Variants in ADGB observed in about 807,000 individuals in gnomAD.
The protein encoded by ADGB is androglobin, also known as calpain-7-like protein.
Under a neutral mutation model 210.5 loss-of-function variants are expected in ADGB, and 172 were observed. The ratio of observed to expected loss-of-function variants is 0.82; its 90% CI spans 0.72 to 0.93. ADGB has a LOEUF of 0.93. Among genes scored for constraint, ADGB ranks in the 40% least tolerant of loss-of-function variants. The probability of loss-of-function intolerance (pLI) is 0.00; values close to 1 mark genes in which losing one functional copy is unlikely to be tolerated. For missense variants in ADGB, 2,025 were observed against 1,964.8 expected, an observed-to-expected ratio of 1.03 and a Z score of -0.58; for synonymous variants, 658 against 662.7, an observed-to-expected ratio of 0.99 and a Z score of 0.11.
At chr6:146,684,014 C>T (rs919762200) in intron 9 of ADGB, among the ~76,000 whole-genome samples, 7 of 152,014 alleles carry the variant, frequency 4.6e-5, no homozygotes, top group African/African-American at 1.2e-4. Context: ...TCAACCTGAA[C>T]GAGCCATGGG....
chr6:146,643,700 G>A (rs1373547804), intron 2 of ADGB, among the ~76,000 whole-genome samples: 1 of 151,844 alleles, frequency 6.6e-6, no homozygotes, highest in African/African-American at 2.4e-5. Flanking sequence ...GGAAACTTAT[G>A]TTATGCAGAT....
Position 146,705,150 on chromosome 6 carries a change from C to A in ADGB, c.1707+4080C>A, listed in dbSNP as rs367723632. Among the ~76,000 whole-genome samples the A allele has an allele frequency of 9.4e-4, 143 of 151,972 alleles. 1 individual carries two copies. The highest frequency in any genetic ancestry group is 3.3e-3 in the African/African-American group (135 of 41,496). ...TGTATGTTGATTTTGTATCCTGAAACTTTATTGAGTTTATATATTAGATCT... is the reference window on the plus strand; with the variant it reads ...TGTATGTTGATTTTGTATCCTGAAAATTTATTGAGTTTATATATTAGATCT... On this transcript the variant is annotated intron_variant, in intron 13 of 35. Coordinates refer to ENST00000397944, the MANE Select transcript of ADGB (RefSeq NM_024694.4).
intron 23 of ADGB, among the ~76,000 whole-genome samples, chr6:146,737,183 G>A (rs1777091576): frequency 6.6e-6 from 1 of 151,626 alleles, no homozygotes; most frequent in African/African-American, 2.4e-5. Flanking sequence ...TTATGAAAAT[G>A]AGCAAGAAAA....
At chr6:146,708,120 T>C (rs949320306) in intron 13 of ADGB, among the ~76,000 whole-genome samples, 2 of 152,128 alleles carry the variant, frequency 1.3e-5, no homozygotes, top group African/African-American at 2.4e-5. Context: ...TTATGGTTTA[T>C]GTTTTTGATG....
At chr6:146,712,377 G>C (rs915471709) in intron 13 of ADGB, among the ~76,000 whole-genome samples, 1 of 151,968 alleles carries the variant, frequency 6.6e-6, no homozygotes, top group Non-Finnish European at 1.5e-5. Context: ...AGTAGAGATG[G>C]GGTTTTGCCA....
chr6:146,684,314 G>A (rs1039627464), intron 9 of ADGB, among the ~76,000 whole-genome samples: 3 of 152,016 alleles, frequency 2.0e-5, no homozygotes, highest in East Asian at 3.9e-4. Flanking sequence ...TTAATATTTA[G>A]CAGTCATCAC....
Position 146,747,766 on chromosome 6 carries a change from C to CATAT in ADGB, c.3365+1668_3365+1671dup, listed in dbSNP as rs151335769. Among the ~76,000 whole-genome samples the CATAT allele has an allele frequency of 7.5e-4, 107 of 143,324 alleles. 1 individual carries two copies. Among genetic ancestry groups the CATAT allele is most frequent in the Non-Finnish European group, 1.1e-3 (76 of 66,664 alleles). 94.0% of individuals were successfully genotyped at this position (143,324 alleles called of 152,430 possible). ...AAATATATATATGCATGTGTATATA[C>CATAT]ATATATATATATATGTATTTTTTTT... is the stretch of plus-strand genomic sequence containing the variant. On this transcript the variant is annotated intron_variant, in intron 26 of 35. Coordinates refer to ENST00000397944, the MANE Select transcript of ADGB (RefSeq NM_024694.4).
intron 23 of ADGB, among the ~76,000 whole-genome samples, chr6:146,737,968 C>G (rs1777104668): frequency 6.6e-6 from 1 of 152,180 alleles, no homozygotes; most frequent in Non-Finnish European, 1.5e-5. Context: ...ACCAAAAAGT[C>G]TGTTATTTAA....
At chr6:146,767,919 A>C (rs1190489380) in intron 28 of ADGB, among the ~76,000 whole-genome samples, 2 of 147,324 alleles carry the variant, frequency 1.4e-5, no homozygotes, top group African/African-American at 4.9e-5. Flanking sequence ...TTAAACAAAA[A>C]TCAGTAGTGT....
intron 1 of ADGB, among the ~76,000 whole-genome samples, chr6:146,606,512 G>A (rs1008992692): frequency 1.3e-5 from 2 of 151,996 alleles, no homozygotes; most frequent in African/African-American, 4.8e-5. Context: ...TTTCTTCTAG[G>A]GTGTTTTTTC....
At chr6:146,758,971 A>G (rs1206545162) in intron 27 of ADGB, among the ~76,000 whole-genome samples, 2 of 151,974 alleles carry the variant, frequency 1.3e-5, no homozygotes, top group East Asian at 3.8e-4. Flanking sequence ...AATTGATGCT[A>G]TTAATTTGTG....
Position 146,733,844 on chromosome 6 carries a change from A to C in ADGB, c.2657-49A>C, listed in dbSNP as rs747232396. The C allele has an allele frequency of 7.8e-6, 12 of 1,547,830 alleles. No individual in the cohort carries two copies. In the South Asian group the frequency reaches 1.4e-4, roughly 19 times the overall value. On this transcript the variant is annotated intron_variant, in intron 21 of 35. Coordinates refer to ENST00000397944, the MANE Select transcript of ADGB (RefSeq NM_024694.4). ...CAGCTGAAGGCGTTGAAACTTAGGG[A>C]AGGGATTAAATATAACTTTCAGTCC...
At position 146,797,358 on chromosome 6, in the gene ADGB, A is replaced by G. The variant is rs139436582; in HGVS notation, c.4538-3825A>G. Among the ~76,000 whole-genome samples the G allele has an allele frequency of 5.5e-3, 845 of 152,282 alleles. 1 individual carries two copies. The highest frequency in any genetic ancestry group is 9.9e-3 in the Non-Finnish European group (676 of 67,996). ...AATCCCACTACTGGGTACCTACCCAAAGGAAAAGAAGTCACTATATGAAAA... is the reference window on the plus strand; with the variant it reads ...AATCCCACTACTGGGTACCTACCCAGAGGAAAAGAAGTCACTATATGAAAA... On this transcript the variant is annotated intron_variant, in intron 33 of 35. Transcript: ENST00000397944.
At chr6:146,691,474 A>G (rs1257217195) in intron 11 of ADGB, among the ~76,000 whole-genome samples, 184 bp downstream of exon 11, 1 of 52,100 alleles carries the variant, frequency 1.9e-5, no homozygotes, top group South Asian at 5.4e-4. Flanking sequence ...ATATATATAT[A>G]TAAATATATA....
At chr6:146,649,162 T>G (rs906841412) in intron 3 of ADGB, among the ~76,000 whole-genome samples, 17 of 142,946 alleles carry the variant, frequency 1.2e-4, no homozygotes, top group East Asian at 1.9e-4. Flanking sequence ...AAAGTTTTGT[T>G]TTTTTTTTTT....
intron 33 of ADGB, among the ~76,000 whole-genome samples, chr6:146,791,698 C>T (rs1777958826): frequency 6.6e-6 from 1 of 152,014 alleles, no homozygotes; most frequent in Non-Finnish European, 1.5e-5. Flanking sequence ...ATCAGGTTTT[C>T]CAAACACCGT....
chr6:146,750,395 C>A (rs1777302191), intron 26 of ADGB, among the ~76,000 whole-genome samples: 1 of 151,816 alleles, frequency 6.6e-6, no homozygotes. Flanking sequence ...CCTGTCTCTA[C>A]AAAAAATAAA....
Position 146,616,699 on chromosome 6 carries a change from A to G in ADGB, c.74+17585A>G, listed in dbSNP as rs182645986. ...ATTAAAAAGACTGTTCTTTCCCTCA[A>G]TGTATGTTTTTGGTGCCTTTGTCAA... is the stretch of plus-strand genomic sequence containing the variant. On this transcript the variant is annotated intron_variant, in intron 1 of 35. Transcript: ENST00000397944. Among the ~76,000 whole-genome samples the G allele has an allele frequency of 1.8e-3, 270 of 152,016 alleles. 1 individual carries two copies. The highest frequency in any genetic ancestry group is 6.0e-3 in the African/African-American group (250 of 41,478).
chr6:146,743,211 T>C (rs1777183659), intron 25 of ADGB, among the ~76,000 whole-genome samples: 1 of 152,230 alleles, frequency 6.6e-6, no homozygotes, highest in Non-Finnish European at 1.5e-5. Context: ...TGATTTAATT[T>C]AAAGGGAGAC....
Sources: allele counts gnomAD v4.1 joint callset (sites outside exome capture counted in the v4.1 genomes callset), GRCh38; gene constraint gnomAD v4.1.1; transcripts MANE v1.5; gene names NCBI Gene and HGNC (gene_info 2026-07-23, HGNC 2026-07-21).